CRIM1: variants seen among roughly 807,000 people sequenced by gnomAD.
CRIM1 encodes the protein cysteine-rich motor neuron 1 protein.
Under a neutral mutation model 116.4 loss-of-function variants are expected in CRIM1, and 32 were observed. That is an observed-to-expected ratio of 0.27 (90% CI 0.21 to 0.37). The LOEUF (loss-of-function observed/expected upper bound fraction) is 0.37. Ranked by LOEUF, CRIM1 falls within the 10% of genes least tolerant of loss-of-function variation. The pLI, the probability that CRIM1 is intolerant of heterozygous loss-of-function variation, is 1.00. For missense variants in CRIM1, 1,331 were observed against 1,354.8 expected (o/e 0.98, Z 0.28); for synonymous variants, 590 against 509.2 (o/e 1.16, Z -2.13).
At chr2:36,544,868 C>G (rs1467161190) in intron 15 of CRIM1, among the ~76,000 whole-genome samples, 1 of 152,182 alleles carries the variant, frequency 6.6e-6, no homozygotes, top group East Asian at 1.9e-4. Flanking sequence ...TAGTCACTGT[C>G]TCTTGTAGAT....
intron 2 of CRIM1, among the ~76,000 whole-genome samples, chr2:36,423,046 A>C (rs1558566795): frequency 6.6e-6 from 1 of 152,236 alleles, no homozygotes; most frequent in Non-Finnish European, 1.5e-5. Flanking sequence ...GTAAGAAAGG[A>C]ATTACTTCCA....
intron 13 of CRIM1, among the ~76,000 whole-genome samples, chr2:36,526,528 T>A (rs1665768469): frequency 6.6e-6 from 1 of 152,182 alleles, no homozygotes; most frequent in Non-Finnish European, 1.5e-5. Context: ...AGTCTTTATT[T>A]CATGACTTCA....
intron 1 of CRIM1, among the ~76,000 whole-genome samples, chr2:36,396,024 C>A (rs1271306570): frequency 6.6e-6 from 1 of 152,156 alleles, no homozygotes; most frequent in Non-Finnish European, 1.5e-5. Context: ...CCTCCCACCT[C>A]AAACTCCTGA....
chr2:36,357,667 G>C (rs745435096), intron 1 of CRIM1, among the ~76,000 whole-genome samples: 12 of 152,154 alleles, frequency 7.9e-5, no homozygotes. Context: ...TGGGATCCCT[G>C]CTCTGGCTGA....
chr2:36,524,941 A>G (rs75213119), intron 13 of CRIM1, among the ~76,000 whole-genome samples: 4 of 152,322 alleles, frequency 2.6e-5, no homozygotes, highest in Non-Finnish European at 5.9e-5. Flanking sequence ...GTTGGACTGC[A>G]GCACTTTTGC....
Position 36,356,741 on chromosome 2 carries a change from G to C in CRIM1, c.331+118G>C. 3 of 1,030,192 alleles carry C rather than the reference G, an allele frequency of 2.9e-6. No homozygotes were observed. Among genetic ancestry groups the C allele is most frequent in the South Asian group, 3.3e-5 (2 of 60,470 alleles). The allele number at this position is 1,030,192 out of a possible 1,614,324, so 63.8% of individuals were successfully genotyped here. On this transcript the variant is annotated intron_variant, in intron 1 of 16. Coordinates refer to ENST00000280527, the MANE Select transcript of CRIM1 (RefSeq NM_016441.3). This position sits in a 1 kb window ranked among gnomAD's most constrained non-coding sequence, Gnocchi z 4.3. The stretch of plus-strand genomic sequence containing the variant: ...GAGGAAAGAGGGCTCTGCGGGAAGA[G>C]GGGCGGCCGCCGCCCCCAGGAGAGT...
chr2:36,533,913 G>A (rs1339533964), intron 13 of CRIM1, among the ~76,000 whole-genome samples: 1 of 147,792 alleles, frequency 6.8e-6, no homozygotes, highest in African/African-American at 2.5e-5. Flanking sequence ...GTGGAGAGAG[G>A]AAGGGAAGGA....
intron 5 of CRIM1, among the ~76,000 whole-genome samples, chr2:36,473,496 G>A (rs848551): frequency 0.086 from 13,158 of 152,192 alleles, 903 homozygotes; most frequent in Admixed American, 0.2. Flanking sequence ...GAAAACTCCT[G>A]AACTGATTGC....
intron 1 of CRIM1, among the ~76,000 whole-genome samples, chr2:36,376,706 C>G (rs768238773): frequency 1.3e-5 from 2 of 152,168 alleles, no homozygotes; most frequent in Non-Finnish European, 2.9e-5. Context: ...TCTGGATCTC[C>G]TTTAGTGGGC....
intron 2 of CRIM1, among the ~76,000 whole-genome samples, chr2:36,420,611 C>T (rs546298986): frequency 1.4e-4 from 22 of 152,268 alleles, no homozygotes; most frequent in Admixed American, 5.2e-4. Flanking sequence ...CTGTGCATGC[C>T]AGTGCCTAAC....
Position 36,517,336 on chromosome 2 carries a change from T to G in CRIM1, c.2000T>G (p.Val667Gly). ...TTGTGTCATTTCCCAGATGACTTTG[T>G]GGTGCAGAAGCCAGAGCTCAGTACT... ...QCCPSCADDF[V>G]VQKPELSTPS... Residue 667 changes from valine to glycine, a missense_variant, in exon 12 of 17, where the codon GTG becomes GGG. Val to Gly is a moderately radical substitution (Grantham distance 109). Around this residue, in one of 3 missense-constraint regions of CRIM1, gnomAD observed 358 missense variants for 436.1 expected, o/e 0.82. Coordinates refer to ENST00000280527, the MANE Select transcript of CRIM1 (RefSeq NM_016441.3). The G allele has an allele frequency of 6.2e-7, 1 of 1,614,004 alleles. No individual in the cohort carries two copies. The highest frequency in any genetic ancestry group is 8.5e-7 in the Non-Finnish European group (1 of 1,179,864).
chr2:36,416,666 G>A (rs1673645170), intron 2 of CRIM1, among the ~76,000 whole-genome samples: 1 of 152,132 alleles, frequency 6.6e-6, no homozygotes, highest in African/African-American at 2.4e-5. Context: ...TCTTTTCAGT[G>A]TTTTTGCTGC....
In CRIM1 at chr2:36,549,664, A is replaced by G. The variant is rs1667610282; in HGVS notation, c.*963A>G. The G allele has an allele frequency of 6.6e-6, 1 of 152,426 alleles. No individual in the cohort carries two copies. Among genetic ancestry groups the G allele is most frequent in the Non-Finnish European group, 1.5e-5 (1 of 67,964 alleles). 9.4% of individuals were successfully genotyped at this position (152,426 alleles called of 1,614,324 possible). On this transcript the variant is annotated 3_prime_UTR_variant, in exon 17 of 17. Coordinates refer to ENST00000280527, the MANE Select transcript of CRIM1 (RefSeq NM_016441.3). ...GACTGTTTGGGGATTCTTTTTCCTTATTATATACTGATTCTACAAAATAGA... is the reference window on the plus strand; with the variant it reads ...GACTGTTTGGGGATTCTTTTTCCTTGTTATATACTGATTCTACAAAATAGA...
intron 4 of CRIM1, among the ~76,000 whole-genome samples, chr2:36,460,608 A>G (rs1677506412): frequency 6.6e-6 from 1 of 152,218 alleles, no homozygotes; most frequent in Non-Finnish European, 1.5e-5. Flanking sequence ...TCATGCAAAT[A>G]GCTCTGCCTG....
chr2:36,446,417 A>G (rs1213286656), intron 4 of CRIM1, among the ~76,000 whole-genome samples: 1 of 152,200 alleles, frequency 6.6e-6, no homozygotes, highest in African/African-American at 2.4e-5. Context: ...CTTACTGTGC[A>G]TGGGTTTCAC....
chr2:36,537,743 G>A (rs1325510798), intron 14 of CRIM1, among the ~76,000 whole-genome samples, 197 bp downstream of exon 14: 2 of 152,218 alleles, frequency 1.3e-5, no homozygotes, highest in African/African-American at 2.4e-5. Flanking sequence ...GCAGATTTTG[G>A]TTCCATGCCA....
At chr2:36,477,205 C>A (rs981529316) in intron 6 of CRIM1, 134 bp downstream of exon 6, 3 of 689,126 alleles carry the variant, frequency 4.4e-6, no homozygotes, top group African/African-American at 3.7e-5. Context: ...TTTTAAGACA[C>A]CATGGTCTGT....
In CRIM1 at chr2:36,510,201, C is replaced by T. The variant is rs1476519614; in HGVS notation, c.1658+62C>T. ...TGCAACTTGGTGAAATGTTTCTACA[C>T]ATTTTGTTTTATATGTTGTTTGTGA... On this transcript the variant is annotated intron_variant, in intron 9 of 16. Coordinates refer to ENST00000280527, the MANE Select transcript of CRIM1 (RefSeq NM_016441.3). 5.3e-6 allele frequency: 8 copies of T among 1,503,978 alleles called. No individual in the cohort carries two copies. The African/African-American group carries it at 1.1e-4, about 21-fold the overall frequency. The allele number at this position is 1,503,978 out of a possible 1,614,324, so 93.2% of individuals were successfully genotyped here.
chr2:36,519,355 C>T (rs1347976755), intron 12 of CRIM1, among the ~76,000 whole-genome samples: 1 of 152,188 alleles, frequency 6.6e-6, no homozygotes, highest in African/African-American at 2.4e-5. Context: ...TTCCAAAGAA[C>T]AGGCAACCCC....
Sources: allele counts gnomAD v4.1 joint callset (sites outside exome capture counted in the v4.1 genomes callset), GRCh38; gene constraint gnomAD v4.1.1; regional missense constraint gnomAD v4.1.1; non-coding constraint Gnocchi (gnomAD v3.1); transcripts MANE v1.5; gene names NCBI Gene and HGNC (gene_info 2026-07-23, HGNC 2026-07-21).